ZNF804B: variants seen among roughly 807,000 people sequenced by gnomAD.
ZNF804B encodes the protein zinc finger 804B.
Under a neutral mutation model 101.4 loss-of-function variants are expected in ZNF804B, and 80 were observed. The ratio of observed to expected loss-of-function variants is 0.79; its 90% CI spans 0.66 to 0.95. The LOEUF (loss-of-function observed/expected upper bound fraction) is 0.95, where lower values mean the gene tolerates loss of function less well. ZNF804B is among the 40% of genes least tolerant of loss of function. ZNF804B has a pLI of 0.00. For synonymous variants in ZNF804B, 622 were observed against 558.8 expected (o/e 1.11, Z -1.59); for missense variants, 1,673 against 1,561.9 (o/e 1.07, Z -1.20).
intron 1 of ZNF804B, among the ~76,000 whole-genome samples, chr7:89,114,820 A>T (rs926898031): frequency 1.3e-5 from 2 of 152,210 alleles, no homozygotes; most frequent in Non-Finnish European, 1.5e-5. Flanking sequence ...AGGTAAATTC[A>T]TGAAGGTGTT....
intron 1 of ZNF804B, among the ~76,000 whole-genome samples, chr7:88,927,504 T>A (rs1481979601): frequency 6.6e-6 from 1 of 152,154 alleles, no homozygotes; most frequent in Non-Finnish European, 1.5e-5. Flanking sequence ...ACTGCTTGGA[T>A]CCTAGACCCT....
intron 1 of ZNF804B, among the ~76,000 whole-genome samples, chr7:89,097,697 A>G (rs1789989410): frequency 6.6e-6 from 1 of 152,238 alleles, no homozygotes; most frequent in African/African-American, 2.4e-5. Flanking sequence ...CTATCAAAAC[A>G]TTAAAAAATT....
chr7:89,030,567 A>C (rs552204998), intron 1 of ZNF804B, among the ~76,000 whole-genome samples: 2 of 152,240 alleles, frequency 1.3e-5, no homozygotes, highest in East Asian at 3.9e-4. Flanking sequence ...CTCACTCATC[A>C]GTCTTGAGTT....
chr7:88,869,670 C>T (rs1791785430), intron 1 of ZNF804B, among the ~76,000 whole-genome samples: 1 of 152,142 alleles, frequency 6.6e-6, no homozygotes, highest in Non-Finnish European at 1.5e-5. Context: ...GTTTCAGCCT[C>T]CTTTAAATAT....
intron 1 of ZNF804B, among the ~76,000 whole-genome samples, chr7:89,010,364 A>T (rs79521690): frequency 1.3e-3 from 196 of 152,288 alleles, no homozygotes; most frequent in African/African-American, 4.6e-3. Context: ...CAACAAAATG[A>T]TATAAAGTGG....
At chr7:89,325,920 T>A (rs995730507) in intron 2 of ZNF804B, among the ~76,000 whole-genome samples, 1 of 151,962 alleles carries the variant, frequency 6.6e-6, no homozygotes, top group Non-Finnish European at 1.5e-5. Context: ...AAGACAAGGC[T>A]TCACTCTAAG....
intron 1 of ZNF804B, among the ~76,000 whole-genome samples, chr7:89,113,555 G>A (rs1478909726): frequency 1.3e-5 from 2 of 152,066 alleles, no homozygotes; most frequent in South Asian, 2.1e-4. Context: ...ATCATCTCAC[G>A]CTCATTTTCA....
At chr7:88,772,964 G>C (rs1019383996) in intron 1 of ZNF804B, among the ~76,000 whole-genome samples, 1 of 152,138 alleles carries the variant, frequency 6.6e-6, no homozygotes, top group Admixed American at 6.6e-5. Context: ...GGTGCTTTTG[G>C]CATAAGCCCA....
chr7:89,121,880 T>C (rs1790411887), intron 1 of ZNF804B, among the ~76,000 whole-genome samples: 2 of 152,120 alleles, frequency 1.3e-5, no homozygotes, highest in South Asian at 4.1e-4. Context: ...AGACAATTTT[T>C]GTGTAGCTGG....
At chr7:88,837,925 T>A (rs1035485322) in intron 1 of ZNF804B, among the ~76,000 whole-genome samples, 1 of 151,746 alleles carries the variant, frequency 6.6e-6, no homozygotes, top group Non-Finnish European at 1.5e-5. Flanking sequence ...TACTAAAATG[T>A]GTTATTTATT....
intron 1 of ZNF804B, among the ~76,000 whole-genome samples, chr7:88,763,979 C>G (rs894490942): frequency 9.2e-5 from 14 of 152,076 alleles, no homozygotes; most frequent in African/African-American, 3.4e-4. Flanking sequence ...ATAACTTAAT[C>G]AGTAATTAAG....
intron 1 of ZNF804B, among the ~76,000 whole-genome samples, chr7:89,132,851 C>G (rs1790574229): frequency 6.6e-6 from 1 of 151,958 alleles, no homozygotes; most frequent in African/African-American, 2.4e-5. Flanking sequence ...ACATTTTCTT[C>G]CTTATTCCCA....
intron 1 of ZNF804B, among the ~76,000 whole-genome samples, chr7:89,201,324 A>G (rs1788630492): frequency 6.6e-6 from 1 of 152,068 alleles, no homozygotes; most frequent in Non-Finnish European, 1.5e-5. Flanking sequence ...AAAAGATTCT[A>G]TAGAAATCAA....
At chr7:88,981,811 C>T (rs539700600) in intron 1 of ZNF804B, among the ~76,000 whole-genome samples, 5 of 152,062 alleles carry the variant, frequency 3.3e-5, no homozygotes, top group South Asian at 2.1e-4. Context: ...GCTCTCCTCC[C>T]GCAAGCATAT....
chr7:88,808,418 C>A (rs1790725862), intron 1 of ZNF804B, among the ~76,000 whole-genome samples: 1 of 150,218 alleles, frequency 6.7e-6, no homozygotes, highest in African/African-American at 2.4e-5. Flanking sequence ...GGAAAGTAGT[C>A]TGGATTTTTT....
At chr7:88,941,814 G>A (rs550927617) in intron 1 of ZNF804B, among the ~76,000 whole-genome samples, 27 of 151,898 alleles carry the variant, frequency 1.8e-4, no homozygotes, top group Non-Finnish European at 3.7e-4. Context: ...TGGCTAGAGA[G>A]GACCAAGATC....
At position 89,220,024 on chromosome 7, in the gene ZNF804B, T is replaced by TATATACGCACATATATGTGTATATAC. The variant is rs1562920253; in HGVS notation, c.249+1734_249+1735insCGCACATATATGTGTATATACATATA. Among the ~76,000 whole-genome samples the TATATACGCACATATATGTGTATATAC allele has an allele frequency of 3.3e-4, 37 of 113,510 alleles. 2 individuals are homozygous for TATATACGCACATATATGTGTATATAC. The highest frequency in any genetic ancestry group is 4.1e-4 in the Non-Finnish European group (23 of 55,784). 74.5% of individuals were successfully genotyped at this position (113,510 alleles called of 152,430 possible). On this transcript the variant is annotated intron_variant, in intron 2 of 3. Transcript: ENST00000333190. ...ATATGCACATATATGTGTGTATACATATATATACGCACATATATGTGCATA... is the reference window on the plus strand; with the variant it reads ...ATATGCACATATATGTGTGTATACATATATACGCACATATATGTGTATATACATATATACGCACATATATGTGCATA...
intron 1 of ZNF804B, among the ~76,000 whole-genome samples, chr7:89,182,953 T>A (rs1788319290): frequency 1.3e-5 from 2 of 152,198 alleles, no homozygotes; most frequent in Admixed American, 1.3e-4. Flanking sequence ...GTGTTTTCAA[T>A]AAATTTATAC....
At chr7:88,829,143 G>A (rs991765770) in intron 1 of ZNF804B, among the ~76,000 whole-genome samples, 7 of 152,042 alleles carry the variant, frequency 4.6e-5, no homozygotes, top group African/African-American at 1.4e-4. Flanking sequence ...GGGGTGCACT[G>A]GTGCCATCAT....
Sources: allele counts gnomAD v4.1 joint callset (sites outside exome capture counted in the v4.1 genomes callset), GRCh38; gene constraint gnomAD v4.1.1; transcripts MANE v1.5; gene names NCBI Gene and HGNC (gene_info 2026-07-23, HGNC 2026-07-21).